The following ITPKA variants were observed in gnomAD, a reference collection of about 807,000 sequenced individuals.
ITPKA encodes the protein inositol-trisphosphate 3-kinase A, also known as IP3 3-kinase A.
A neutral mutation model predicts 40.7 loss-of-function variants in ITPKA; 16 were observed. That is an observed-to-expected ratio of 0.39 (90% CI 0.27 to 0.60). The LOEUF is 0.60. Among genes scored for constraint, ITPKA ranks in the 20% least tolerant of loss-of-function variants. The probability of loss-of-function intolerance (pLI) is 0.50; values close to 1 mark genes in which losing one functional copy is unlikely to be tolerated. For missense variants in ITPKA, 540 were observed against 649.3 expected, an observed-to-expected ratio of 0.83 and a Z score of 1.83; for synonymous variants, 313 against 289.9, an observed-to-expected ratio of 1.08 and a Z score of -0.81.
intron 1 of ITPKA, among the ~76,000 whole-genome samples, chr15:41,499,336 G>C (rs534301562): frequency 6.6e-6 from 1 of 152,334 alleles, no homozygotes; most frequent in African/African-American, 2.4e-5. Flanking sequence ...CAGTAGGAAA[G>C]TGGGAGCAAT....
chr15:41,495,310 G>A (rs918633581), intron 1 of ITPKA, among the ~76,000 whole-genome samples: 1 of 152,202 alleles, frequency 6.6e-6, no homozygotes, highest in Non-Finnish European at 1.5e-5. Flanking sequence ...TTAGATCCAC[G>A]TTTCGCAAGT....
rs1039650786 is a variant in ITPKA at position 41,503,517 on chromosome 15, C to A, written c.*351C>A. 4 of 595,820 alleles carry A rather than the reference C, an allele frequency of 6.7e-6. No homozygotes were observed. The highest frequency in any genetic ancestry group is 1.8e-5 in the African/African-American group (1 of 54,926). 36.9% of individuals were successfully genotyped at this position (595,820 alleles called of 1,614,324 possible). On this transcript the variant is annotated 3_prime_UTR_variant, in exon 7 of 7. Transcript: ENST00000260386. Reference sequence around the variant, plus strand: ...TCCGGTCTAACGTCTCACACCACGACGGACTCCCCTTCCTAATAAAACTCA... The same window carrying A: ...TCCGGTCTAACGTCTCACACCACGAAGGACTCCCCTTCCTAATAAAACTCA...
chr15:41,495,640 C>T (rs1465971755), intron 1 of ITPKA, among the ~76,000 whole-genome samples: 1 of 152,214 alleles, frequency 6.6e-6, no homozygotes, highest in African/African-American at 2.4e-5. Context: ...AGAGCAGCCC[C>T]GGACCCAGGA....
Position 41,494,456 on chromosome 15 carries a change from G to A in ITPKA, c.489+40G>A, listed in dbSNP as rs888492446. On this transcript the variant is annotated intron_variant, in intron 1 of 6. Coordinates refer to ENST00000260386, the MANE Select transcript of ITPKA (RefSeq NM_002220.3). This position sits in a 1 kb window ranked among gnomAD's most constrained non-coding sequence, Gnocchi z 7.8. ...GGCGGGGCCAGCGCCGGGCGCGGGG[G>A]CTGCACGGGGGACCTGGCTGGGTGC... The A allele has an allele frequency of 1.3e-4, 178 of 1,325,060 alleles. No homozygotes were observed. Among genetic ancestry groups the A allele is most frequent in the Non-Finnish European group, 1.6e-4 (163 of 1,019,078 alleles). 82.1% of individuals were successfully genotyped at this position (1,325,060 alleles called of 1,614,324 possible). A position where few individuals can be genotyped will look rare whatever the true frequency, so the allele number is the denominator to read the frequency against.
At position 41,503,194 on chromosome 15, in the gene ITPKA, T is replaced by C; in HGVS notation, c.*28T>C. 2 of 1,503,980 alleles carry C rather than the reference T, an allele frequency of 1.3e-6. No homozygotes were observed. Among genetic ancestry groups the C allele is most frequent in the Non-Finnish European group, 1.8e-6 (2 of 1,104,036 alleles). 93.2% of individuals were successfully genotyped at this position (1,503,980 alleles called of 1,614,324 possible). ...CTGGACTCCTGTCCCCGCGGGCCGCTCACCTGACATGTGGACCTGCAGCTT... is the reference window on the plus strand; with the variant it reads ...CTGGACTCCTGTCCCCGCGGGCCGCCCACCTGACATGTGGACCTGCAGCTT... On this transcript the variant is annotated 3_prime_UTR_variant, in exon 7 of 7. Coordinates refer to ENST00000260386, the MANE Select transcript of ITPKA (RefSeq NM_002220.3).
chr15:41,496,853 C>T (rs569910424), intron 1 of ITPKA, among the ~76,000 whole-genome samples: 1 of 152,272 alleles, frequency 6.6e-6, no homozygotes, highest in South Asian at 2.1e-4. Context: ...ATTGCTCTTC[C>T]CACCACCACG....
chr15:41,503,096 A>G lies in ITPKA; in HGVS notation c.1316A>G (p.Asn439Ser). 6.2e-7 allele frequency: 1 copy of G among 1,604,912 alleles called. No individual in the cohort carries two copies. The highest frequency in any genetic ancestry group is 8.5e-7 in the Non-Finnish European group (1 of 1,172,856). The change falls in exon 7 of 7, where the codon AAC (asparagine) becomes AGC (serine). Residue 439 changes from asparagine (N) to serine (S), a missense_variant. Transcript: ENST00000260386. ...LDHRRPWEEG[N>S]REDGYLLGLD... ...CACCGGCGGCCCTGGGAGGAGGGCA[A>G]CCGCGAGGACGGCTATTTGCTGGGG...
intron 1 of ITPKA, among the ~76,000 whole-genome samples, chr15:41,495,008 C>G (rs1476097350): frequency 6.6e-6 from 1 of 152,218 alleles, no homozygotes; most frequent in Non-Finnish European, 1.5e-5. Flanking sequence ...CCACCCAGTG[C>G]GCGCCCTGCC....
chr15:41,494,214 C>T lies in ITPKA; in HGVS notation c.287C>T (p.Pro96Leu). Reference protein sequence around the residue: ...AEEPDVPPTSPGPPERERDCL... With the variant: ...AEEPDVPPTSLGPPERERDCL... ...GAGCCCGACGTGCCCCCGACCAGCCCTGGGCCGCCGGAGCGGGAGAGGGAC... is the reference window on the plus strand; with the variant it reads ...GAGCCCGACGTGCCCCCGACCAGCCTTGGGCCGCCGGAGCGGGAGAGGGAC... The change falls in exon 1 of 7, where the codon CCT becomes CTT. Residue 96 changes from proline to leucine, a missense_variant. Transcript: ENST00000260386. The surrounding 1 kb of genome is among the most constrained non-coding windows in gnomAD (Gnocchi z 7.8). 2 of 1,533,386 alleles carry T rather than the reference C, an allele frequency of 1.3e-6. No individual in the cohort carries two copies. Among genetic ancestry groups the T allele is most frequent in the Non-Finnish European group, 8.7e-7 (1 of 1,147,050 alleles). 95.0% of individuals were successfully genotyped at this position (1,533,386 alleles called of 1,614,324 possible). A position where few individuals can be genotyped will look rare whatever the true frequency, so the allele number is the denominator to read the frequency against.
Position 41,503,359 on chromosome 15 carries a change from C to T in ITPKA, c.*193C>T. 4 of 600,710 alleles carry T rather than the reference C, an allele frequency of 6.7e-6. No homozygotes were observed. Among genetic ancestry groups the T allele is most frequent in the South Asian group, 2.0e-5 (1 of 50,086 alleles). 37.2% of individuals were successfully genotyped at this position (600,710 alleles called of 1,614,324 possible). A position where few individuals can be genotyped will look rare whatever the true frequency, so the allele number is the denominator to read the frequency against. ...TTTTGCCCACCCGGGCCCCAGCGTT[C>T]CCAGAGCCAAATGACACTAACTTAT... is the stretch of plus-strand genomic sequence containing the variant. On this transcript the variant is annotated 3_prime_UTR_variant, in exon 7 of 7. Coordinates refer to ENST00000260386, the MANE Select transcript of ITPKA (RefSeq NM_002220.3).
At chr15:41,502,892 G>A (rs2051130602) in intron 6 of ITPKA, 33 bp downstream of exon 6, 1 of 1,608,308 alleles carries the variant, frequency 6.2e-7, no homozygotes, top group African/African-American at 1.3e-5. Context: ...CCCGGGCCGC[G>A]AGGGCTAGGG....
At position 41,494,905 on chromosome 15, in the gene ITPKA, C is replaced by T. The variant is rs1319081062; in HGVS notation, c.489+489C>T. ...GGCGCTCCAGGCTCTGCTCGGGAGC[C>T]GCTGCCGTCTGCTCCCAGCGCCCGC... On this transcript the variant is annotated intron_variant, in intron 1 of 6. Transcript: ENST00000260386. This position sits in a 1 kb window ranked among gnomAD's most constrained non-coding sequence, Gnocchi z 7.8. 1.3e-5 allele frequency among the ~76,000 whole-genome samples: 2 copies of T among 152,212 alleles called. No homozygotes were observed. Among genetic ancestry groups the T allele is most frequent in the Non-Finnish European group, 2.9e-5 (2 of 68,028 alleles).
intron 1 of ITPKA, among the ~76,000 whole-genome samples, chr15:41,495,745 C>G (rs976319871): frequency 7.9e-5 from 12 of 152,254 alleles, no homozygotes; most frequent in Non-Finnish European, 1.8e-4. Flanking sequence ...CCCGCCCCGC[C>G]TCTTCGGAAA....
chr15:41,496,536 C>A (rs1030348620), intron 1 of ITPKA, among the ~76,000 whole-genome samples: 1 of 152,180 alleles, frequency 6.6e-6, no homozygotes, highest in African/African-American at 2.4e-5. Flanking sequence ...GAGGCCCACC[C>A]GCAAGGTCAG....
chr15:41,503,055 T>TG lies in ITPKA; in HGVS notation c.1277dup (p.Gln427ProfsTer34). 1 of 1,610,348 alleles carries TG rather than the reference T, an allele frequency of 6.2e-7. No individual in the cohort carries two copies. Among genetic ancestry groups the TG allele is most frequent in the Non-Finnish European group, 8.5e-7 (1 of 1,177,572 alleles). On this transcript the variant is annotated frameshift_variant, in exon 7 of 7. Coordinates refer to ENST00000260386, the MANE Select transcript of ITPKA (RefSeq NM_002220.3). LOFTEE classifies it high-confidence loss of function. ...TCGGCAAGACCACGCCCCTCCCCGA[T>TG]GGCCAGATCCTGGACCACCGGCGGC...
In ITPKA at chr15:41,502,162, C is replaced by A; in HGVS notation, c.969C>A (p.Ser323Arg). The change falls in exon 4 of 7, where the codon AGC becomes AGA. Residue 323 changes from serine to arginine, a missense_variant. Coordinates refer to ENST00000260386, the MANE Select transcript of ITPKA (RefSeq NM_002220.3). ...PRYMQWREGI[S>R]SSTTLGFRIE... is the part of the protein sequence containing the mutation. ...ACATGCAGTGGCGGGAAGGCATCAG[C>A]TCCAGCACCACCCTCGGCTTCCGCA... is the stretch of plus-strand genomic sequence containing the variant. 1 of 1,597,738 alleles carries A rather than the reference C, an allele frequency of 6.3e-7. No homozygotes were observed.
chr15:41,497,249 C>G (rs2051079441), intron 1 of ITPKA, among the ~76,000 whole-genome samples: 1 of 152,200 alleles, frequency 6.6e-6, no homozygotes, highest in African/African-American at 2.4e-5. Flanking sequence ...TAGCCTCTGG[C>G]TGTGTGTTAG....
chr15:41,494,262 C>A lies in ITPKA; in HGVS notation c.335C>A (p.Ser112Ter), dbSNP rs760607650. The A allele has an allele frequency of 6.5e-7, 1 of 1,547,362 alleles. No homozygotes were observed. Among genetic ancestry groups the A allele is most frequent in the Non-Finnish European group, 8.7e-7 (1 of 1,154,594 alleles). ...ERDCLPAAGS[S>*]HLQQPRRLST... ...GACTGCCTCCCGGCAGCGGGCTCTT[C>A]GCACCTGCAGCAGCCGCGCCGCCTT... is the stretch of plus-strand genomic sequence containing the variant. The change falls in exon 1 of 7, where the codon TCG becomes TAG. Residue 112 changes from serine to a stop codon, truncating the protein, a stop_gained. Coordinates refer to ENST00000260386, the MANE Select transcript of ITPKA (RefSeq NM_002220.3). LOFTEE classifies it high-confidence loss of function. The surrounding 1 kb of genome is among the most constrained non-coding windows in gnomAD (Gnocchi z 7.8).
Position 41,503,505 on chromosome 15 carries a change from C to T in ITPKA, c.*339C>T. On this transcript the variant is annotated 3_prime_UTR_variant, in exon 7 of 7. Coordinates refer to ENST00000260386, the MANE Select transcript of ITPKA (RefSeq NM_002220.3). ...AAGCCCAGACCTTCCGGTCTAACGTCTCACACCACGACGGACTCCCCTTCC... is the reference window on the plus strand; with the variant it reads ...AAGCCCAGACCTTCCGGTCTAACGTTTCACACCACGACGGACTCCCCTTCC... 1 of 607,582 alleles carries T rather than the reference C, an allele frequency of 1.6e-6. No homozygotes were observed. The highest frequency in any genetic ancestry group is 3.9e-5 in the East Asian group (1 of 25,948). The allele number at this position is 607,582 out of a possible 1,614,324, so 37.6% of individuals were successfully genotyped here.
Sources: gnomAD v4.1 joint callset for allele counts (sites outside exome capture counted in the v4.1 genomes callset) on GRCh38, gnomAD v4.1.1 for gene constraint, Gnocchi (gnomAD v3.1) non-coding constraint, MANE v1.5 for transcripts, NCBI Gene and HGNC (gene_info 2026-07-23, HGNC 2026-07-21) for gene names.